Variants in NRXN1 observed in about 807,000 individuals in gnomAD.
NRXN1 encodes neurexin 1.
A neutral mutation model predicts 150.9 loss-of-function variants in NRXN1; 39 were observed. The observed-to-expected ratio is 0.26, with a 90% confidence interval of 0.20 to 0.34. The LOEUF is 0.34. NRXN1 is among the 10% of genes least tolerant of loss of function. NRXN1 has a pLI of 1.00. For missense variants in NRXN1, 1,815 were observed against 1,949.9 expected (o/e 0.93, Z 1.30); for synonymous variants, 924 against 757.0 (o/e 1.22, Z -3.62).
intron 18 of NRXN1, among the ~76,000 whole-genome samples, chr2:50,182,196 G>A (rs973047662): frequency 7.4e-5 from 11 of 148,512 alleles, no homozygotes; most frequent in Admixed American, 2.0e-4. Context: ...TATCGGTTTG[G>A]CACAAAATCT....
intron 5 of NRXN1, among the ~76,000 whole-genome samples, chr2:50,648,765 C>T (rs114212276): frequency 0.022 from 3,360 of 151,960 alleles, 150 homozygotes; most frequent in African/African-American, 0.077. Context: ...TCACTTCTAC[C>T]CCATGCTTCT....
chr2:50,111,442 C>T (rs1025060151), intron 18 of NRXN1, among the ~76,000 whole-genome samples: 1 of 152,064 alleles, frequency 6.6e-6, no homozygotes, highest in African/African-American at 2.4e-5. Context: ...AGGAGTGAGA[C>T]CGCCTGGCCA....
At chr2:51,008,624 T>C (rs1667393802) in intron 2 of NRXN1, among the ~76,000 whole-genome samples, 2 of 151,980 alleles carry the variant, frequency 1.3e-5, no homozygotes, top group African/African-American at 4.8e-5. Flanking sequence ...TTATTAATTG[T>C]ATTTCTTATA....
At chr2:50,835,945 C>T (rs1044424955) in intron 5 of NRXN1, among the ~76,000 whole-genome samples, 2 of 152,148 alleles carry the variant, frequency 1.3e-5, no homozygotes, top group African/African-American at 4.8e-5. Context: ...GCATTAATCA[C>T]ATGTTAAATG....
chr2:50,740,387 A>G lies in NRXN1; in HGVS notation c.833-116772T>C, dbSNP rs544201446. On this transcript the variant is annotated intron_variant, in intron 5 of 22. Transcript: ENST00000401669. ...ATGCAGTTATATGAGGATGCAATGAATGAAACTACTGCACCCATTTTGTGA... is the reference window on the plus strand; with the variant it reads ...ATGCAGTTATATGAGGATGCAATGAGTGAAACTACTGCACCCATTTTGTGA... Among the ~76,000 whole-genome samples, 139 of 152,296 alleles carry G rather than the reference A, an allele frequency of 9.1e-4. 1 individual carries two copies. The highest frequency in any genetic ancestry group is 3.3e-3 in the African/African-American group (137 of 41,576).
At chr2:50,444,604 T>A (rs1407361103) in intron 17 of NRXN1, among the ~76,000 whole-genome samples, 1 of 152,156 alleles carries the variant, frequency 6.6e-6, no homozygotes, top group African/African-American at 2.4e-5. Context: ...TTTGAGGCAC[T>A]GGCTCAGGGG....
At chr2:50,114,790 T>A (rs7423347) in intron 18 of NRXN1, among the ~76,000 whole-genome samples, 3,538 of 152,152 alleles carry the variant, frequency 0.023, 139 homozygotes, top group African/African-American at 0.081. Context: ...TGATTTCAAC[T>A]GTGTGACATT....
chr2:50,984,689 T>C (rs1168405686), intron 2 of NRXN1, among the ~76,000 whole-genome samples: 1 of 152,100 alleles, frequency 6.6e-6, no homozygotes, highest in Non-Finnish European at 1.5e-5. Context: ...GAAAAGTATA[T>C]TGCCCTGTAT....
At chr2:50,443,116 C>A (rs10865246) in intron 17 of NRXN1, among the ~76,000 whole-genome samples, 74,862 of 151,742 alleles carry the variant, frequency 0.49, 20,282 homozygotes, top group East Asian at 0.92. Context: ...CAAGAAAAAG[C>A]GCATGAGGTA....
At chr2:50,018,508 G>C (rs1687004819) in intron 21 of NRXN1, among the ~76,000 whole-genome samples, 1 of 152,224 alleles carries the variant, frequency 6.6e-6, no homozygotes, top group East Asian at 1.9e-4. Context: ...TGTGACTTCA[G>C]CATTTCATTA....
At position 50,692,085 on chromosome 2, in the gene NRXN1, C is replaced by T. The variant is rs567550135; in HGVS notation, c.833-68470G>A. Among the ~76,000 whole-genome samples, 4 of 152,054 alleles carry T rather than the reference C, an allele frequency of 2.6e-5. No individual in the cohort carries two copies. The South Asian group carries it at 8.3e-4, about 32-fold the overall frequency. On this transcript the variant is annotated intron_variant, in intron 5 of 22. Transcript: ENST00000401669. ...TGACTTGAGGTTATAAACAAAGATC[C>T]GATTCTATCTAATCCTTGCTAATTT...
At chr2:50,363,918 G>A (rs2079401611) in intron 17 of NRXN1, among the ~76,000 whole-genome samples, 1 of 152,120 alleles carries the variant, frequency 6.6e-6, no homozygotes, top group Non-Finnish European at 1.5e-5. Flanking sequence ...CCATAAAAAA[G>A]AATGAGTTCA....
intron 21 of NRXN1, among the ~76,000 whole-genome samples, chr2:49,964,434 A>T (rs1240688863): frequency 6.6e-6 from 1 of 151,440 alleles, no homozygotes; most frequent in Non-Finnish European, 1.5e-5. Context: ...CAAAAAATTA[A>T]TCGGGTGTGG....
At chr2:50,843,307 G>T (rs568675514) in intron 5 of NRXN1, among the ~76,000 whole-genome samples, 2 of 152,192 alleles carry the variant, frequency 1.3e-5, no homozygotes, top group South Asian at 2.1e-4. Flanking sequence ...AAAATCTCAA[G>T]AATTTAAACC....
In NRXN1 at chr2:49,933,780, A is replaced by C. The variant is rs544928996; in HGVS notation, c.4216+9924T>G. Among the ~76,000 whole-genome samples, 3 of 152,328 alleles carry C rather than the reference A, an allele frequency of 2.0e-5. No homozygotes were observed. The South Asian group carries it at 6.2e-4, about 32-fold the overall frequency. Reference sequence around the variant, plus strand: ...TGTTTTCTCTACATCTTCCACACAGAAGGTACTGAATCAGCAGCTGTCCCA... The same window carrying C: ...TGTTTTCTCTACATCTTCCACACAGCAGGTACTGAATCAGCAGCTGTCCCA... On this transcript the variant is annotated intron_variant, in intron 22 of 22. Coordinates refer to ENST00000401669, the MANE Select transcript of NRXN1 (RefSeq NM_001330078.2).
intron 21 of NRXN1, among the ~76,000 whole-genome samples, chr2:49,947,134 C>T (rs576764142): frequency 1.2e-4 from 19 of 152,152 alleles, no homozygotes; most frequent in South Asian, 1.0e-3. Context: ...TTTTTCCCCC[C>T]GGACCAACAT....
At chr2:50,671,122 T>C (rs1292026490) in intron 5 of NRXN1, among the ~76,000 whole-genome samples, 1 of 151,854 alleles carries the variant, frequency 6.6e-6, no homozygotes, top group African/African-American at 2.4e-5. Context: ...CATAAATCTT[T>C]AAAAACATGA....
At chr2:50,570,047 TTAC>T (rs1670427532) in intron 8 of NRXN1, among the ~76,000 whole-genome samples, 2 of 152,162 alleles carry the variant, frequency 1.3e-5, no homozygotes, top group Admixed American at 1.3e-4. Flanking sequence ...ATTATCTGGT[TTAC>T]TACTAAATTA....
intron 22 of NRXN1, among the ~76,000 whole-genome samples, chr2:49,932,679 A>G (rs1221454714): frequency 6.6e-6 from 1 of 152,166 alleles, no homozygotes; most frequent in Non-Finnish European, 1.5e-5. Flanking sequence ...TCAATTGTCA[A>G]CTTATGCTTA....
Sources: allele counts gnomAD v4.1 joint callset (sites outside exome capture counted in the v4.1 genomes callset), GRCh38; gene constraint gnomAD v4.1.1; transcripts MANE v1.5; gene names NCBI Gene and HGNC (gene_info 2026-07-23, HGNC 2026-07-21).